The following STXBP5 variants were observed in gnomAD, a reference collection of about 807,000 sequenced individuals.
STXBP5 encodes the protein syntaxin binding protein 5.
STXBP5 carries 50 observed loss-of-function variants against 152.4 expected under a neutral mutation model. That is an observed-to-expected ratio of 0.33 (90% CI 0.26 to 0.42). STXBP5 has a LOEUF of 0.42. Ranked by LOEUF, STXBP5 falls within the 10% of genes least tolerant of loss-of-function variation. The pLI is 1.00. For synonymous variants in STXBP5, 492 were observed against 494.7 expected (o/e 0.99, Z 0.07); for missense variants, 1,167 against 1,388.6 (o/e 0.84, Z 2.54).
chr6:147,204,565 C>T lies in STXBP5; in HGVS notation c.33C>T (p.Asp11=), dbSNP rs751493478. The T allele has an allele frequency of 1.9e-6, 3 of 1,611,020 alleles. No homozygotes were observed. Among genetic ancestry groups the T allele is most frequent in the Non-Finnish European group, 2.5e-6 (3 of 1,178,732 alleles). MRKFNIRKVL[D]GLTAGSSSAS... ...AATTCAACATCAGGAAGGTGCTGGACGGCCTGACCGCCGGCTCGTCCTCGG... is the reference window on the plus strand; with the variant it reads ...AATTCAACATCAGGAAGGTGCTGGATGGCCTGACCGCCGGCTCGTCCTCGG... The change falls in exon 1 of 28, where the codon GAC becomes GAT. Residue 11 remains aspartate, a synonymous_variant. Transcript: ENST00000321680. The surrounding 1 kb of genome is among the most constrained non-coding windows in gnomAD (Gnocchi z 4.3).
chr6:147,260,856 G>T, intron 5 of STXBP5, 107 bp downstream of exon 5: 1 of 1,332,796 alleles, frequency 7.5e-7, no homozygotes. Flanking sequence ...ATATGTGACA[G>T]ATGTTCTTAA....
intron 18 of STXBP5, among the ~76,000 whole-genome samples, chr6:147,330,336 A>G (rs1178722532): frequency 6.6e-6 from 1 of 152,184 alleles, no homozygotes; most frequent in African/African-American, 2.4e-5. Flanking sequence ...AGAAAGCAGA[A>G]CTAAGTAACT....
At chr6:147,364,583 G>T (rs945519343) in intron 25 of STXBP5, among the ~76,000 whole-genome samples, 2 of 152,148 alleles carry the variant, frequency 1.3e-5, no homozygotes, top group Middle Eastern at 3.4e-3. Flanking sequence ...TTACACAGAA[G>T]AAAAAAATGT....
At chr6:147,284,633 G>A (rs921611239) in intron 8 of STXBP5, among the ~76,000 whole-genome samples, 1 of 152,184 alleles carries the variant, frequency 6.6e-6, no homozygotes, top group African/African-American at 2.4e-5. Flanking sequence ...GGATGATACT[G>A]GTGGTATAAG....
intron 22 of STXBP5, among the ~76,000 whole-genome samples, chr6:147,354,046 A>G (rs987057082): frequency 2.0e-5 from 3 of 151,944 alleles, no homozygotes; most frequent in African/African-American, 7.2e-5. Flanking sequence ...TTTTTTATTT[A>G]AGAAATTTCT....
intron 16 of STXBP5, among the ~76,000 whole-genome samples, chr6:147,320,579 G>GTGTGTGTGTGTGTGTGTGTT (rs1554297945): frequency 2.7e-5 from 4 of 148,958 alleles, no homozygotes; most frequent in African/African-American, 7.5e-5. Flanking sequence ...GTGTGTGTGT[G>GTGTGTGTGTGTGTGTGTGTT]TGTGTGTGTG....
intron 3 of STXBP5, among the ~76,000 whole-genome samples, chr6:147,236,350 T>C (rs1222753194): frequency 6.6e-6 from 1 of 152,168 alleles, no homozygotes; most frequent in Admixed American, 6.5e-5. Context: ...GTCGAAGCCA[T>C]ATATGAAGAC....
At chr6:147,375,882 A>G (rs941719539) in intron 26 of STXBP5, among the ~76,000 whole-genome samples, 7 of 152,042 alleles carry the variant, frequency 4.6e-5, no homozygotes, top group African/African-American at 1.4e-4. Flanking sequence ...GATCTTCTGT[A>G]TATTGACAGA....
At chr6:147,343,393 T>C (rs1252707959) in intron 21 of STXBP5, among the ~76,000 whole-genome samples, 1 of 152,192 alleles carries the variant, frequency 6.6e-6, no homozygotes, top group African/African-American at 2.4e-5. Context: ...TGTTCCAATA[T>C]AACTAAAGTC....
rs1786337054 is a variant in STXBP5, at chr6:147,386,322, G to A, written c.*1567G>A. 1 of 151,702 alleles carries A rather than the reference G, an allele frequency of 6.6e-6. No homozygotes were observed. The highest frequency in any genetic ancestry group is 6.6e-5 in the Admixed American group (1 of 15,222). The allele number at this position is 151,702 out of a possible 1,614,324, so 9.4% of individuals were successfully genotyped here. Reference sequence around the variant, plus strand: ...CAAATTGATAGTAAACAGGATGGTTGTTTTTCTATTCTATATGATCATTAA... The same window carrying A: ...CAAATTGATAGTAAACAGGATGGTTATTTTTCTATTCTATATGATCATTAA... On this transcript the variant is annotated 3_prime_UTR_variant, in exon 28 of 28. Transcript: ENST00000321680.
chr6:147,387,172 T>G lies in STXBP5; in HGVS notation c.*2417T>G, dbSNP rs1233275757. ...ATAAGCTTCTCAGAGTTATACTTGA[T>G]TCTGTCTGTAGATAAGAGACAGTCT... On this transcript the variant is annotated 3_prime_UTR_variant, in exon 28 of 28. Coordinates refer to ENST00000321680, the MANE Select transcript of STXBP5 (RefSeq NM_001127715.4). The G allele has an allele frequency of 6.6e-6, 1 of 151,720 alleles. No homozygotes were observed. Among genetic ancestry groups the G allele is most frequent in the Non-Finnish European group, 1.5e-5 (1 of 67,728 alleles). 9.4% of individuals were successfully genotyped at this position (151,720 alleles called of 1,614,324 possible).
intron 17 of STXBP5, among the ~76,000 whole-genome samples, chr6:147,325,637 C>T (rs1210179140): frequency 6.6e-6 from 1 of 152,124 alleles, no homozygotes; most frequent in Non-Finnish European, 1.5e-5. Context: ...ACTTATAAAG[C>T]ATTTGTTATT....
intron 7 of STXBP5, among the ~76,000 whole-genome samples, chr6:147,273,200 A>AAAAAAAAAAAAAT (rs1400798642): frequency 1.3e-5 from 2 of 151,264 alleles, no homozygotes; most frequent in East Asian, 3.9e-4. Context: ...AAAAGTAAAA[A>AAAAAAAAAAAAAT]AAAAAAAATT....
At chr6:147,270,504 A>C (rs187776538) in intron 7 of STXBP5, among the ~76,000 whole-genome samples, 1 of 152,048 alleles carries the variant, frequency 6.6e-6, no homozygotes, top group East Asian at 1.9e-4. Context: ...AAATTTGTCA[A>C]CCTAGAACTT....
chr6:147,344,459 A>G (rs1310100670), intron 21 of STXBP5, among the ~76,000 whole-genome samples: 2 of 152,218 alleles, frequency 1.3e-5, no homozygotes, highest in Non-Finnish European at 2.9e-5. Flanking sequence ...CAGCCACCAC[A>G]AAATACCACA....
At chr6:147,285,943 GC>G (rs1286758879) in intron 8 of STXBP5, among the ~76,000 whole-genome samples, 1 of 152,098 alleles carries the variant, frequency 6.6e-6, no homozygotes, top group Non-Finnish European at 1.5e-5. Context: ...AATTCTGTCA[GC>G]CTGACTCTCC....
At chr6:147,313,285 A>G (rs1782475481) in intron 11 of STXBP5, among the ~76,000 whole-genome samples, 3 of 152,328 alleles carry the variant, frequency 2.0e-5, no homozygotes, top group African/African-American at 7.2e-5. Flanking sequence ...AAAATGAGAA[A>G]AGAAATATTT....
chr6:147,331,805 T>TAAAAA (rs758010688), intron 18 of STXBP5, among the ~76,000 whole-genome samples: 8 of 115,360 alleles, frequency 6.9e-5, no homozygotes, highest in Admixed American at 1.9e-4. Context: ...TTCTACCAGT[T>TAAAAA]AAAAAAAAAA....
chr6:147,260,572 C>T (rs1164425240), intron 4 of STXBP5, 43 bp from the exon 5 acceptor site: 1 of 1,611,450 alleles, frequency 6.2e-7, no homozygotes, highest in Non-Finnish European at 8.5e-7. Context: ...GTAAAATTTG[C>T]CATTTTTCAA....
Sources: gnomAD v4.1 joint callset for allele counts (sites outside exome capture counted in the v4.1 genomes callset) on GRCh38, gnomAD v4.1.1 for gene constraint, Gnocchi (gnomAD v3.1) non-coding constraint, MANE v1.5 for transcripts, NCBI Gene and HGNC (gene_info 2026-07-23, HGNC 2026-07-21) for gene names.